PRKN: variants seen among roughly 807,000 people sequenced by gnomAD.
The protein encoded by PRKN is parkin RBR E3 ubiquitin protein ligase.
A neutral mutation model predicts 59.5 loss-of-function variants in PRKN; 56 were observed. The ratio of observed to expected loss-of-function variants is 0.94; its 90% CI spans 0.76 to 1.18. The LOEUF is 1.18. Among genes scored for constraint, PRKN ranks in the 50% most tolerant of loss-of-function variants. The pLI is 0.00. For missense variants in PRKN, 657 were observed against 596.4 expected, an observed-to-expected ratio of 1.10 and a Z score of -1.06; for synonymous variants, 250 against 222.1, an observed-to-expected ratio of 1.13 and a Z score of -1.12.
intron 2 of PRKN, among the ~76,000 whole-genome samples, chr6:162,366,943 T>C (rs557225893): frequency 6.6e-6 from 1 of 152,310 alleles, no homozygotes; most frequent in Non-Finnish European, 1.5e-5. Context: ...TATTCCCTTA[T>C]ACAACATTCC....
At chr6:162,036,285 C>G (rs1055148806) in intron 5 of PRKN, among the ~76,000 whole-genome samples, 1 of 151,906 alleles carries the variant, frequency 6.6e-6, no homozygotes, top group African/African-American at 2.4e-5. Context: ...GATCACGCCA[C>G]TGCACTCCAG....
chr6:161,624,793 T>C (rs1183155698), intron 7 of PRKN, among the ~76,000 whole-genome samples: 1 of 152,248 alleles, frequency 6.6e-6, no homozygotes, highest in Non-Finnish European at 1.5e-5. Flanking sequence ...TATTAAAAAG[T>C]GTTCCCTAAA....
At chr6:161,807,683 C>T (rs554462420) in intron 6 of PRKN, among the ~76,000 whole-genome samples, 1 of 152,188 alleles carries the variant, frequency 6.6e-6, no homozygotes, top group East Asian at 1.9e-4. Context: ...AGGGGCAGTT[C>T]CCCTGTGTCT....
chr6:161,594,358 G>C (rs1013174156), intron 7 of PRKN, among the ~76,000 whole-genome samples: 30 of 152,138 alleles, frequency 2.0e-4, no homozygotes, highest in African/African-American at 7.0e-4. Context: ...AGAGAAGGAA[G>C]GAAAGAAAGA....
intron 2 of PRKN, among the ~76,000 whole-genome samples, chr6:162,348,294 G>A (rs1286189307): frequency 2.0e-5 from 3 of 152,042 alleles, no homozygotes; most frequent in African/African-American, 4.8e-5. Context: ...AACCAACAAC[G>A]TGACCTGGAA....
chr6:161,439,409 C>T (rs1293338208), intron 9 of PRKN, among the ~76,000 whole-genome samples: 1 of 152,186 alleles, frequency 6.6e-6, no homozygotes, highest in African/African-American at 2.4e-5. Flanking sequence ...CAAGTGTCAG[C>T]TGTGGGAGAT....
chr6:162,117,992 A>T (rs972259665), intron 4 of PRKN, among the ~76,000 whole-genome samples: 3 of 152,284 alleles, frequency 2.0e-5, no homozygotes, highest in Non-Finnish European at 4.4e-5. Flanking sequence ...GCTAATTGGG[A>T]GGCTGAGGCA....
At chr6:162,579,690 T>C (rs868141073) in intron 1 of PRKN, among the ~76,000 whole-genome samples, 1 of 143,386 alleles carries the variant, frequency 7.0e-6, no homozygotes. Flanking sequence ...CACACACACA[T>C]ACATAAACAC....
At chr6:161,625,648 G>A (rs762372700) in intron 7 of PRKN, among the ~76,000 whole-genome samples, 6 of 152,194 alleles carry the variant, frequency 3.9e-5, no homozygotes, top group Non-Finnish European at 8.8e-5. Flanking sequence ...AAGCGCAGAG[G>A]AGCAATGTGG....
chr6:161,694,388 T>C (rs1473655541), intron 7 of PRKN, among the ~76,000 whole-genome samples: 1 of 152,206 alleles, frequency 6.6e-6, no homozygotes, highest in Non-Finnish European at 1.5e-5. Context: ...TTTTGAATTG[T>C]GGTACAATAT....
chr6:161,479,264 A>G (rs1257692422), intron 9 of PRKN, among the ~76,000 whole-genome samples: 1 of 152,222 alleles, frequency 6.6e-6, no homozygotes, highest in Non-Finnish European at 1.5e-5. Context: ...AGAGCAGTTC[A>G]TAAAACACTA....
At chr6:161,831,850 A>G (rs1220573617) in intron 6 of PRKN, among the ~76,000 whole-genome samples, 1 of 152,210 alleles carries the variant, frequency 6.6e-6, no homozygotes, top group African/African-American at 2.4e-5. Flanking sequence ...CTACTACAAC[A>G]CAAGTCTGTT....
chr6:161,837,060 C>A (rs576691938), intron 6 of PRKN, among the ~76,000 whole-genome samples: 16 of 152,254 alleles, frequency 1.1e-4, no homozygotes, highest in Admixed American at 1.3e-4. Flanking sequence ...GGAATGGGCA[C>A]TAAATAAAAG....
intron 7 of PRKN, among the ~76,000 whole-genome samples, chr6:161,596,632 AG>A (rs1406413488): frequency 6.6e-6 from 1 of 152,258 alleles, no homozygotes; most frequent in East Asian, 1.9e-4. Flanking sequence ...ACACAAAAAA[AG>A]CCTACTAAAT....
chr6:161,416,588 C>T (rs187962578), intron 9 of PRKN, among the ~76,000 whole-genome samples: 1 of 152,148 alleles, frequency 6.6e-6, no homozygotes, highest in East Asian at 1.9e-4. Flanking sequence ...CAACAGAGAC[C>T]CGTTCTTACC....
At chr6:162,124,500 T>C (rs958358745) in intron 4 of PRKN, among the ~76,000 whole-genome samples, 1 of 152,146 alleles carries the variant, frequency 6.6e-6, no homozygotes, top group Non-Finnish European at 1.5e-5. Context: ...GAAAAGCCCA[T>C]TGAGCTGGAA....
At position 161,973,291 on chromosome 6, in the gene PRKN, TA is replaced by T. The variant is rs777129050; in HGVS notation, c.734+10del. ...CCGTGGAGGGAAGTGACACTATTTT[TA>T]GATCCTTACCTGACGTCTGTGCACG... On this transcript the variant is annotated intron_variant, in intron 6 of 11. Transcript: ENST00000366898. 5 of 1,573,322 alleles carry T rather than the reference TA, an allele frequency of 3.2e-6. No homozygotes were observed. Among genetic ancestry groups the T allele is most frequent in the Non-Finnish European group, 3.5e-6 (4 of 1,142,746 alleles).
chr6:162,246,121 C>T (rs1378823141), intron 3 of PRKN, among the ~76,000 whole-genome samples: 1 of 151,806 alleles, frequency 6.6e-6, no homozygotes, highest in African/African-American at 2.4e-5. Context: ...TGTTTCCCTG[C>T]TTGTTGCAGG....
intron 1 of PRKN, among the ~76,000 whole-genome samples, chr6:162,494,127 A>G (rs995366421): frequency 3.3e-5 from 5 of 152,112 alleles, no homozygotes; most frequent in Non-Finnish European, 7.4e-5. Context: ...CATTCTCTCC[A>G]TGTCTCCCAT....
Sources: allele counts gnomAD v4.1 joint callset (sites outside exome capture counted in the v4.1 genomes callset), GRCh38; gene constraint gnomAD v4.1.1; transcripts MANE v1.5; gene names NCBI Gene and HGNC (gene_info 2026-07-23, HGNC 2026-07-21).